The following GMIP variants were observed in gnomAD, a reference collection of about 807,000 sequenced individuals.
GMIP encodes the protein GEM interacting protein, also known as GEM-interacting protein.
In GMIP, 54 loss-of-function variants were observed where a neutral mutation model predicts 105.3. That is an observed-to-expected ratio of 0.51 (90% CI 0.41 to 0.64). GMIP has a LOEUF of 0.64. Ranked by LOEUF, GMIP falls within the 30% of genes least tolerant of loss-of-function variation. The pLI, the probability that GMIP is intolerant of heterozygous loss-of-function variation, is 0.00. For synonymous variants in GMIP, 541 were observed against 560.8 expected, an observed-to-expected ratio of 0.96 and a Z score of 0.50; for missense variants, 1,110 against 1,319.4, an observed-to-expected ratio of 0.84 and a Z score of 2.46.
chr19:19,633,758 A>C, intron 19 of GMIP, 45 bp downstream of exon 19: 2 of 1,312,280 alleles, frequency 1.5e-6, no homozygotes, highest in Non-Finnish European at 2.0e-6. Flanking sequence ...AGAATTGAAC[A>C]GAGATAAGGC....
At chr19:19,640,667 A>G in intron 4 of GMIP, 96 bp from the exon 5 acceptor site, 2 of 1,202,762 alleles carry the variant, frequency 1.7e-6, no homozygotes, top group Non-Finnish European at 2.4e-6. Flanking sequence ...CCTGTCCTAC[A>G]GCCTCACAGC....
chr19:19,638,241 T>G lies in GMIP; in HGVS notation c.707A>C (p.Glu236Ala), dbSNP rs141410763. 8 of 1,602,748 alleles carry G rather than the reference T, an allele frequency of 5.0e-6. No individual in the cohort carries two copies. Among genetic ancestry groups the G allele is most frequent in the Non-Finnish European group, 6.8e-6 (8 of 1,179,206 alleles). Reference sequence around the variant, plus strand: ...CGGCGAGGCCTGGGGGGCCGAGTCCTCAGGGGACCCCTGGGAGCGTGCCCG... The same window carrying G: ...CGGCGAGGCCTGGGGGGCCGAGTCCGCAGGGGACCCCTGGGAGCGTGCCCG... ...DLRARSQGSP[E>A]DSAPQASPGP... The change falls in exon 9 of 21, where the codon GAG (glutamate) becomes GCG (alanine). Residue 236 changes from glutamate to alanine, a missense_variant. Around this residue, in one of 3 missense-constraint regions of GMIP, gnomAD observed 667 missense variants for 773.2 expected, o/e 0.86. Coordinates refer to ENST00000203556, the MANE Select transcript of GMIP (RefSeq NM_016573.4).
Position 19,636,955 on chromosome 19 carries a change from C to A in GMIP, c.1199G>T (p.Gly400Val), listed in dbSNP as rs376317252. 1 of 1,583,758 alleles carries A rather than the reference C, an allele frequency of 6.3e-7. No homozygotes were observed. The highest frequency in any genetic ancestry group is 8.6e-7 in the Non-Finnish European group (1 of 1,164,278). The part of the protein sequence containing the change: ...PRLDENSAEP[G>V]PWEDPGTGWR... ...GCCTGTGCCCGGATCCTCCCAAGGG[C>A]CTGGCTCAGCTGAATTCTCATCCAG... Residue 400 changes from glycine to valine, a missense_variant, in exon 12 of 21, where the codon GGC (glycine) becomes GTC (valine). Physicochemically the swap from Gly to Val is moderately radical, Grantham distance 109 (BLOSUM62 -3). Around this residue, in one of 3 missense-constraint regions of GMIP, gnomAD observed 667 missense variants for 773.2 expected, o/e 0.86. Transcript: ENST00000203556.
At chr19:19,642,746 G>A (rs771920830) in intron 1 of GMIP, 127 bp from the exon 2 acceptor site, 10 of 524,512 alleles carry the variant, frequency 1.9e-5, no homozygotes, top group Non-Finnish European at 3.5e-5. Context: ...GAGGGCTGGG[G>A]GGGGCTTGGT....
At position 19,637,863 on chromosome 19, in the gene GMIP, C is replaced by T; in HGVS notation, c.927+57G>A. 1 of 1,532,990 alleles carries T rather than the reference C, an allele frequency of 6.5e-7. No homozygotes were observed. The highest frequency in any genetic ancestry group is 8.8e-7 in the Non-Finnish European group (1 of 1,133,282). The allele number at this position is 1,532,990 out of a possible 1,614,324, so 95.0% of individuals were successfully genotyped here. On this transcript the variant is annotated intron_variant, in intron 10 of 20. Transcript: ENST00000203556. This position sits in a 1 kb window ranked among gnomAD's most constrained non-coding sequence, Gnocchi z 6.7. ...GGTGGCTTAGGGGCGAGGAGTGGGGCACTCAGTCGGGGCCCCAACGGGGTG... is the reference window on the plus strand; with the variant it reads ...GGTGGCTTAGGGGCGAGGAGTGGGGTACTCAGTCGGGGCCCCAACGGGGTG...
chr19:19,639,720 G>A (rs1390562332), intron 7 of GMIP, among the ~76,000 whole-genome samples: 2 of 151,966 alleles, frequency 1.3e-5, no homozygotes, highest in African/African-American at 4.8e-5. Context: ...GTGGTGGCAG[G>A]CGCCTGTAAT....
rs1420248849 is a variant in GMIP at position 19,636,736 on chromosome 19, C to T, written c.1298G>A (p.Arg433Gln). Reference sequence around the variant, plus strand: ...GCTGGAAGTGGGTGAGTCCAGGGACCGAGACTCGCTGCCGCCACCCACGCT... The same window carrying T: ...GCTGGAAGTGGGTGAGTCCAGGGACTGAGACTCGCTGCCGCCACCCACGCT... ...VDSVGGGSES[R>Q]SLDSPTSSPG... The change falls in exon 13 of 21, where the codon CGG (arginine) becomes CAG (glutamine). Residue 433 changes from arginine to glutamine, a missense_variant. This residue lies in a region of GMIP where 667 missense variants were observed against 773.2 expected (regional missense o/e 0.86). Transcript: ENST00000203556. 11 of 1,613,432 alleles carry T rather than the reference C, an allele frequency of 6.8e-6. No homozygotes were observed. The highest frequency in any genetic ancestry group is 1.1e-5 in the South Asian group (1 of 91,070).
intron 4 of GMIP, among the ~76,000 whole-genome samples, chr19:19,641,242 G>A (rs1245866751): frequency 6.6e-6 from 1 of 151,748 alleles, no homozygotes; most frequent in South Asian, 2.1e-4. Flanking sequence ...CACTGCGCCC[G>A]GCTAAATTTT....
At position 19,638,444 on chromosome 19, in the gene GMIP, C is replaced by T. The variant is rs755305442; in HGVS notation, c.576G>A (p.Arg192=). ...AAKRTEIEKW[R]KEFKEQWMKE... ...TCATCCACTGCTCCTTGAACTCCTT[C>T]CGCCACTTCTCAATCTCAGTCCGTT... Residue 192 remains arginine, a synonymous_variant, in exon 8 of 21, where the codon CGG becomes CGA. Coordinates refer to ENST00000203556, the MANE Select transcript of GMIP (RefSeq NM_016573.4). The T allele has an allele frequency of 3.7e-6, 6 of 1,614,194 alleles. No individual in the cohort carries two copies. In the South Asian group the frequency reaches 6.6e-5, roughly 18 times the overall value.
At position 19,640,567 on chromosome 19, in the gene GMIP, C is replaced by T. The variant is rs1599416278; in HGVS notation, c.243G>A (p.Glu81=). The stretch of plus-strand genomic sequence containing the variant: ...TCCGAATGAGCCGCAAGTCCAGTTC[C>T]TCCCCTGGGGAAGATGGATGGACCT... ...SPEGPVPLTG[E]ELDLRLIRTK... The change falls in exon 5 of 21, where the codon GAG becomes GAA. Residue 81 remains glutamate (E), a synonymous_variant. Transcript: ENST00000203556. 2 of 1,613,946 alleles carry T rather than the reference C, an allele frequency of 1.2e-6. No homozygotes were observed. The highest frequency in any genetic ancestry group is 4.5e-5 in the East Asian group (2 of 44,850).
Position 19,635,055 on chromosome 19 carries a change from A to G in GMIP, c.1719T>C (p.Ala573=). The change falls in exon 16 of 21, where the codon GCT becomes GCC. Residue 573 remains alanine (A), a synonymous_variant. Transcript: ENST00000203556. This position sits in a 1 kb window ranked among gnomAD's most constrained non-coding sequence, Gnocchi z 4.7. ...CATCCAGGGCACGGTGTTCTATCTC[A>G]GCCGTGCACTTCGTGACCACAAAGG... ...EVPFVVTKCT[A]EIEHRALDVQ... 1 of 1,613,452 alleles carries G rather than the reference A, an allele frequency of 6.2e-7. No homozygotes were observed. Among genetic ancestry groups the G allele is most frequent in the Non-Finnish European group, 8.5e-7 (1 of 1,179,522 alleles).
At chr19:19,632,792 T>C (rs1317949238) in intron 19 of GMIP, among the ~76,000 whole-genome samples, 1 of 152,128 alleles carries the variant, frequency 6.6e-6, no homozygotes, top group African/African-American at 2.4e-5. Flanking sequence ...TTGGTATCAC[T>C]TCATACCACC....
chr19:19,631,455 G>C (rs985286698), intron 19 of GMIP, among the ~76,000 whole-genome samples: 2 of 152,196 alleles, frequency 1.3e-5, no homozygotes, highest in African/African-American at 4.8e-5. Flanking sequence ...ATCAGACACT[G>C]TCCCGAGCAC....
Position 19,629,886 on chromosome 19 carries a change from C to T in GMIP, c.*77G>A. ...GAACTCCTGGCGGGGTGTTTGGCCA[C>T]TAGGTGGTGGGAGGTAGGGATATAT... On this transcript the variant is annotated 3_prime_UTR_variant, in exon 21 of 21. Transcript: ENST00000203556. The T allele has an allele frequency of 7.0e-7, 1 of 1,424,800 alleles. No individual in the cohort carries two copies. Among genetic ancestry groups the T allele is most frequent in the Non-Finnish European group, 9.5e-7 (1 of 1,056,604 alleles). 88.3% of individuals were successfully genotyped at this position (1,424,800 alleles called of 1,614,324 possible).
chr19:19,640,268 C>T (rs776192373), intron 6 of GMIP, 28 bp downstream of exon 6: 40 of 1,607,408 alleles, frequency 2.5e-5, no homozygotes, highest in Non-Finnish European at 2.8e-5. Flanking sequence ...GGGGCTTGGG[C>T]TCTCCGGGGG....
At chr19:19,642,809 A>G (rs1303377379) in intron 1 of GMIP, among the ~76,000 whole-genome samples, 190 bp from the exon 2 acceptor site, 1 of 152,040 alleles carries the variant, frequency 6.6e-6, no homozygotes, top group Non-Finnish European at 1.5e-5. Context: ...GAGACCAGAG[A>G]CAGCTGCTCG....
intron 6 of GMIP, 36 bp from the exon 7 acceptor site, chr19:19,640,228 G>T: frequency 6.4e-7 from 1 of 1,562,750 alleles, no homozygotes; most frequent in Admixed American, 1.7e-5. Context: ...GGATACTGAA[G>T]ATCTGTGGGG....
At position 19,630,044 on chromosome 19, in the gene GMIP, G is replaced by T; in HGVS notation, c.2832C>A (p.Leu944=). The change falls in exon 21 of 21, where the codon CTC becomes CTA. Residue 944 remains leucine, a synonymous_variant. Transcript: ENST00000203556. The surrounding 1 kb of genome is among the most constrained non-coding windows in gnomAD (Gnocchi z 4.8). ...FEITQETARL[L]SKLDSEAVPR... ...GCACAGCCTCGCTGTCCAATTTCGA[G>T]AGTAGCCGGGCTGTCTCCTGGGTAA... is the stretch of plus-strand genomic sequence containing the variant. The T allele has an allele frequency of 6.2e-7, 1 of 1,609,126 alleles. No individual in the cohort carries two copies. Among genetic ancestry groups the T allele is most frequent in the South Asian group, 1.1e-5 (1 of 90,128 alleles).
rs2061769705 is a variant in GMIP, at chr19:19,629,480, G to A, written c.*483C>T. 1 of 162,662 alleles carries A rather than the reference G, an allele frequency of 6.1e-6. No homozygotes were observed. The highest frequency in any genetic ancestry group is 2.4e-5 in the African/African-American group (1 of 41,436). 10.1% of individuals were successfully genotyped at this position (162,662 alleles called of 1,614,324 possible). ...GCAGAGATGCACCCAAGGGCATATA[G>A]GACACAGTTTATTAGAGGCCATCAG... On this transcript the variant is annotated 3_prime_UTR_variant, in exon 21 of 21. Transcript: ENST00000203556.
Sources: allele counts gnomAD v4.1 joint callset (sites outside exome capture counted in the v4.1 genomes callset), GRCh38; gene constraint gnomAD v4.1.1; regional missense constraint gnomAD v4.1.1; non-coding constraint Gnocchi (gnomAD v3.1); transcripts MANE v1.5; gene names NCBI Gene and HGNC (gene_info 2026-07-23, HGNC 2026-07-21).